ADGRL3: variants seen among roughly 807,000 people sequenced by gnomAD.
ADGRL3 encodes the protein adhesion G protein-coupled receptor L3, also known as calcium-independent alpha-latrotoxin receptor 3.
A neutral mutation model predicts 153.5 loss-of-function variants in ADGRL3; 62 were observed. That is an observed-to-expected ratio of 0.40 (90% confidence interval 0.33 to 0.50). The LOEUF (loss-of-function observed/expected upper bound fraction) is 0.50, where lower values mean the gene tolerates loss of function less well. ADGRL3 is among the 20% of genes least tolerant of loss of function. The probability of loss-of-function intolerance (pLI) is 0.47; values close to 1 mark genes in which losing one functional copy is unlikely to be tolerated. For synonymous variants in ADGRL3, 710 were observed against 672.5 expected (o/e 1.06, Z -0.86); for missense variants, 1,641 against 1,859.4 (o/e 0.88, Z 2.16).
At chr4:61,223,474 T>C (rs938557886) in intron 1 of ADGRL3, among the ~76,000 whole-genome samples, 3 of 152,222 alleles carry the variant, frequency 2.0e-5, no homozygotes, top group Admixed American at 2.0e-4. Flanking sequence ...AACAATACTC[T>C]CAGCTTCTGA....
At chr4:61,256,559 T>A (rs1392791108) in intron 1 of ADGRL3, among the ~76,000 whole-genome samples, 1 of 152,156 alleles carries the variant, frequency 6.6e-6, no homozygotes, top group Non-Finnish European at 1.5e-5. Flanking sequence ...CAAGATAAAT[T>A]TTCGGAGATT....
chr4:61,276,041 C>T (rs774593972), intron 1 of ADGRL3, among the ~76,000 whole-genome samples: 15 of 152,176 alleles, frequency 9.9e-5, no homozygotes, highest in East Asian at 1.9e-4. Flanking sequence ...AACAGAAAGA[C>T]GGGAGAGTTA....
intron 3 of ADGRL3, among the ~76,000 whole-genome samples, chr4:61,509,293 A>C (rs1579252043): frequency 6.6e-6 from 1 of 151,836 alleles, no homozygotes; most frequent in East Asian, 2.0e-4. Context: ...ACTCCCATCT[A>C]ATTTTTGTAT....
intron 1 of ADGRL3, among the ~76,000 whole-genome samples, chr4:61,275,774 T>G (rs1278912643): frequency 2.0e-5 from 3 of 152,186 alleles, no homozygotes; most frequent in Middle Eastern, 6.3e-3. Flanking sequence ...GACTGGGCAT[T>G]TGGTTACTTA....
chr4:61,806,168 A>G (rs973865434), intron 8 of ADGRL3, among the ~76,000 whole-genome samples: 6 of 152,050 alleles, frequency 3.9e-5, no homozygotes, highest in Non-Finnish European at 8.8e-5. Context: ...GGTACTTCCA[A>G]CCCTCGTGGA....
intron 9 of ADGRL3, among the ~76,000 whole-genome samples, chr4:61,876,891 TA>T (rs936409833): frequency 7.8e-6 from 1 of 128,796 alleles, no homozygotes; most frequent in African/African-American, 2.9e-5. Flanking sequence ...ACTTTCTCAA[TA>T]AACTTGCTTT....
intron 1 of ADGRL3, among the ~76,000 whole-genome samples, chr4:61,363,462 G>A (rs1435871642): frequency 2.0e-5 from 3 of 151,970 alleles, no homozygotes; most frequent in African/African-American, 7.3e-5. Context: ...TAAACACGTA[G>A]GTTATGATGC....
At chr4:61,564,087 A>G (rs1313904086) in intron 4 of ADGRL3, among the ~76,000 whole-genome samples, 1 of 151,718 alleles carries the variant, frequency 6.6e-6, no homozygotes, top group Non-Finnish European at 1.5e-5. Flanking sequence ...CAGCTTCCTC[A>G]CCTCTCTCAG....
chr4:61,235,125 T>C (rs1752333515), intron 1 of ADGRL3, among the ~76,000 whole-genome samples: 1 of 152,118 alleles, frequency 6.6e-6, no homozygotes, highest in Non-Finnish European at 1.5e-5. Context: ...ACGACCTCTT[T>C]GTTTGTCTAG....
chr4:61,630,068 G>A (rs898981629), intron 5 of ADGRL3, among the ~76,000 whole-genome samples: 1 of 152,078 alleles, frequency 6.6e-6, no homozygotes, highest in Non-Finnish European at 1.5e-5. Flanking sequence ...TTCTTTAAAT[G>A]TGAAAGACTA....
chr4:61,983,468 A>C lies in ADGRL3; in HGVS notation c.3101A>C (p.Tyr1034Ser). ...ATGTTCCTGGAGGGGGTGCAGCTTT[A>C]TATCATGCTGGTGGAGGTTTTTGAG... Reference protein sequence around the residue: ...TWMFLEGVQLYIMLVEVFESE... With the variant: ...TWMFLEGVQLSIMLVEVFESE... The change falls in exon 19 of 27, where the codon TAT becomes TCT. Residue 1034 changes from tyrosine (Y) to serine (S), a missense_variant. Around this residue, in one of 5 missense-constraint regions of ADGRL3, gnomAD observed 734 missense variants for 797.0 expected, o/e 0.92. Coordinates refer to ENST00000683033, the MANE Select transcript of ADGRL3 (RefSeq NM_001387552.1). The C allele has an allele frequency of 6.2e-7, 1 of 1,613,910 alleles. No homozygotes were observed. Among genetic ancestry groups the C allele is most frequent in the Non-Finnish European group, 8.5e-7 (1 of 1,179,870 alleles).
chr4:61,317,526 G>A (rs2095250659), intron 1 of ADGRL3, among the ~76,000 whole-genome samples: 1 of 152,156 alleles, frequency 6.6e-6, no homozygotes, highest in Non-Finnish European at 1.5e-5. Context: ...ATCAAAAGCT[G>A]CTAACTCATT....
At chr4:61,624,997 TTAAAAAATGCAAA>T (rs1201260846) in intron 5 of ADGRL3, among the ~76,000 whole-genome samples, 1 of 152,130 alleles carries the variant, frequency 6.6e-6, no homozygotes, top group Non-Finnish European at 1.5e-5. Context: ...TTGCCTTGTA[TTAAAAAATGCAAA>T]TTATTTTGAA....
At chr4:61,581,240 A>G (rs1255715618) in intron 4 of ADGRL3, among the ~76,000 whole-genome samples, 2 of 151,920 alleles carry the variant, frequency 1.3e-5, no homozygotes, top group African/African-American at 2.4e-5. Context: ...GTCACCTTAC[A>G]TGATTATTCA....
At chr4:61,373,519 T>C (rs1438101722) in intron 1 of ADGRL3, among the ~76,000 whole-genome samples, 1 of 152,200 alleles carries the variant, frequency 6.6e-6, no homozygotes, top group African/African-American at 2.4e-5. Context: ...TTATTAGCAT[T>C]TCCTTTATAT....
intron 2 of ADGRL3, among the ~76,000 whole-genome samples, chr4:61,475,037 A>G (rs335331): frequency 0.94 from 143,417 of 152,158 alleles, 68,171 homozygotes; most frequent in East Asian, 1. Flanking sequence ...AACCATTTTA[A>G]GCTAATCTAA....
chr4:61,468,733 G>T (rs1374524539), intron 2 of ADGRL3, among the ~76,000 whole-genome samples: 1 of 152,046 alleles, frequency 6.6e-6, no homozygotes, highest in African/African-American at 2.4e-5. Flanking sequence ...AAAAGGCTCT[G>T]TTCCAGTGGC....
chr4:61,650,085 T>G (rs1421297973), intron 5 of ADGRL3, among the ~76,000 whole-genome samples: 1 of 152,136 alleles, frequency 6.6e-6, no homozygotes, highest in African/African-American at 2.4e-5. Flanking sequence ...TGTGGGAAAG[T>G]GGCGGAACAT....
intron 5 of ADGRL3, among the ~76,000 whole-genome samples, chr4:61,628,497 A>G (rs2092966157): frequency 1.0e-5 from 1 of 96,660 alleles, no homozygotes. Flanking sequence ...CCCATCACTG[A>G]GCTCATTCAG....
Sources: allele counts gnomAD v4.1 joint callset (sites outside exome capture counted in the v4.1 genomes callset), GRCh38; gene constraint gnomAD v4.1.1; regional missense constraint gnomAD v4.1.1; transcripts MANE v1.5; gene names NCBI Gene and HGNC (gene_info 2026-07-23, HGNC 2026-07-21).